The following GPRIN2 variants were observed in gnomAD, a reference collection of about 807,000 sequenced individuals.
GPRIN2 encodes the protein G protein regulated inducer of neurite outgrowth 2, also known as G protein-regulated inducer of neurite outgrowth 2.
A neutral mutation model predicts 0.3 loss-of-function variants in GPRIN2; 1 was observed. That is an observed-to-expected ratio of 3.90 (90% CI 1.39 to 18.51). The LOEUF (loss-of-function observed/expected upper bound fraction) is 18.51. GPRIN2 is among the 30% of genes most tolerant of loss of function. GPRIN2 has a pLI of 0.11. For synonymous variants in GPRIN2, 361 were observed against 258.6 expected (o/e 1.40, Z -3.80); for missense variants, 880 against 604.2 (o/e 1.46, Z -4.79).
In GPRIN2 at chr10:46,542,101, C is replaced by G. The variant is rs1011846147; in HGVS notation, c.*7259G>C. ...CAAAGCTTGTGTACAAAATGACACC[C>G]TTGGCCACCATCTCCCAGTCTGTTG... On this transcript the variant is annotated 3_prime_UTR_variant, in exon 3 of 3. Coordinates refer to ENST00000374314, the MANE Select transcript of GPRIN2 (RefSeq NM_001385282.1). 4.6e-5 allele frequency among the ~76,000 whole-genome samples: 7 copies of G among 152,306 alleles called. No individual in the cohort carries two copies. The highest frequency in any genetic ancestry group is 6.5e-5 in the Admixed American group (1 of 15,294).
chr10:46,556,455 A>G (rs1843240587), intron 1 of GPRIN2, among the ~76,000 whole-genome samples, 43 bp downstream of exon 1: 2 of 152,206 alleles, frequency 1.3e-5, no homozygotes, highest in South Asian at 4.1e-4. Context: ...GCCGCCCACC[A>G]CGCCCCCCGC....
rs1832609507 is a variant in GPRIN2 at position 46,549,730 on chromosome 10, C to A, written c.1007G>T (p.Gly336Val). 6.2e-7 allele frequency: 1 copy of A among 1,614,160 alleles called. No individual in the cohort carries two copies. The highest frequency in any genetic ancestry group is 1.1e-5 in the South Asian group (1 of 91,088). Residue 336 changes from glycine (G) to valine (V), a missense_variant, in exon 3 of 3, where the codon GGT becomes GTT. Coordinates refer to ENST00000374314, the MANE Select transcript of GPRIN2 (RefSeq NM_001385282.1). ...EASPLSAQDAGVQAAPVAACK... is the reference protein window; with the variant it reads ...EASPLSAQDAVVQAAPVAACK... Reference sequence around the variant, plus strand: ...GGCCGCCACTGGGGCCGCCTGCACACCAGCATCCTGGGCTGACAGCGGGGA... The same window carrying A: ...GGCCGCCACTGGGGCCGCCTGCACAACAGCATCCTGGGCTGACAGCGGGGA...
At chr10:46,553,755 A>AATTTT (rs1842866340) in intron 2 of GPRIN2, among the ~76,000 whole-genome samples, 1 of 152,306 alleles carries the variant, frequency 6.6e-6, no homozygotes. Context: ...TGAGGCCTGG[A>AATTTT]GCAGCTCAGA....
rs1841841843 is a variant in GPRIN2 at position 46,542,576 on chromosome 10, T to A, written c.*6784A>T. 6.6e-6 allele frequency among the ~76,000 whole-genome samples: 1 copy of A among 152,308 alleles called. No individual in the cohort carries two copies. The highest frequency in any genetic ancestry group is 2.4e-5 in the African/African-American group (1 of 41,488). ...ATTGTAAGTTTCCTGAGGCTTCCTG[T>A]AAGTTTCCTGAGGCTCCCCGGGCCA... On this transcript the variant is annotated 3_prime_UTR_variant, in exon 3 of 3. Transcript: ENST00000374314.
Position 46,548,830 on chromosome 10 carries a change from T to G in GPRIN2, c.*530A>C, listed in dbSNP as rs999380957. Among the ~76,000 whole-genome samples, 4 of 152,306 alleles carry G rather than the reference T, an allele frequency of 2.6e-5. No homozygotes were observed. The highest frequency in any genetic ancestry group is 9.6e-5 in the African/African-American group (4 of 41,482). The stretch of plus-strand genomic sequence containing the variant: ...GCACATCGGCTACAGCCTTGCCAAA[T>G]GAAGGCTTGCCAGGATGAAGAGGTG... On this transcript the variant is annotated 3_prime_UTR_variant, in exon 3 of 3. Coordinates refer to ENST00000374314, the MANE Select transcript of GPRIN2 (RefSeq NM_001385282.1).
At chr10:46,552,267 T>C (rs1832129654) in intron 2 of GPRIN2, among the ~76,000 whole-genome samples, 81 of 152,374 alleles carry the variant, frequency 5.3e-4, no homozygotes, top group African/African-American at 1.9e-3. Context: ...TCAAAGTGTC[T>C]GGGCCACCTC....
rs1832641597 is a variant in GPRIN2, at chr10:46,549,656, G to A, written c.1081C>T (p.His361Tyr). Residue 361 changes from histidine to tyrosine, a missense_variant, in exon 3 of 3, where the codon CAT becomes TAT. Physicochemically the swap from His to Tyr is moderately conservative, Grantham distance 83 (BLOSUM62 2). Coordinates refer to ENST00000374314, the MANE Select transcript of GPRIN2 (RefSeq NM_001385282.1). The part of the protein sequence containing the change: ...SPSLEAPAAL[H>Y]VFPEVTLGSS... The stretch of plus-strand genomic sequence containing the variant: ...CCCAGAGTTACCTCTGGGAACACAT[G>A]CAGGGCTGCAGGCGCTTCCAGGGAC... The A allele has an allele frequency of 6.2e-7, 1 of 1,614,186 alleles. No homozygotes were observed. The highest frequency in any genetic ancestry group is 8.5e-7 in the Non-Finnish European group (1 of 1,179,968).
chr10:46,543,985 G>A lies in GPRIN2; in HGVS notation c.*5375C>T, dbSNP rs1253346088. On this transcript the variant is annotated 3_prime_UTR_variant, in exon 3 of 3. Transcript: ENST00000374314. The stretch of plus-strand genomic sequence containing the variant: ...TTGTTTTTTTTTTTAGTAAACATCA[G>A]CTTTCCTCAGGTGTTCTTCTGCTTT... Among the ~76,000 whole-genome samples the A allele has an allele frequency of 6.6e-6, 1 of 152,108 alleles. No homozygotes were observed. The highest frequency in any genetic ancestry group is 2.4e-5 in the African/African-American group (1 of 41,436).
chr10:46,541,834 G>A lies in GPRIN2; in HGVS notation c.*7526C>T, dbSNP rs1413133618. Among the ~76,000 whole-genome samples, 1 of 152,310 alleles carries A rather than the reference G, an allele frequency of 6.6e-6. No homozygotes were observed. Among genetic ancestry groups the A allele is most frequent in the Non-Finnish European group, 1.5e-5 (1 of 68,058 alleles). ...ATAAAATATCAAAAATTTCAATAAA[G>A]CAGCATCCGACTTCCTGCCCAGCTG... On this transcript the variant is annotated 3_prime_UTR_variant, in exon 3 of 3. Coordinates refer to ENST00000374314, the MANE Select transcript of GPRIN2 (RefSeq NM_001385282.1).
Position 46,545,236 on chromosome 10 carries a change from C to G in GPRIN2, c.*4124G>C, listed in dbSNP as rs936205708. Among the ~76,000 whole-genome samples, 3 of 152,286 alleles carry G rather than the reference C, an allele frequency of 2.0e-5. No individual in the cohort carries two copies. The highest frequency in any genetic ancestry group is 7.2e-5 in the African/African-American group (3 of 41,488). On this transcript the variant is annotated 3_prime_UTR_variant, in exon 3 of 3. Coordinates refer to ENST00000374314, the MANE Select transcript of GPRIN2 (RefSeq NM_001385282.1). ...CTCTGGTGGTTTCTGTGCACAACTT[C>G]CCCCAAAATAGGCCCTACGACTCCA...
rs1163157019 is a variant in GPRIN2 at position 46,548,190 on chromosome 10, C to T, written c.*1170G>A. Among the ~76,000 whole-genome samples the T allele has an allele frequency of 5.2e-5, 8 of 152,428 alleles. No homozygotes were observed. Among genetic ancestry groups the T allele is most frequent in the African/African-American group, 1.7e-4 (7 of 41,610 alleles). On this transcript the variant is annotated 3_prime_UTR_variant, in exon 3 of 3. Transcript: ENST00000374314. ...CCCAGGACAAGAACACAAGCCCACT[C>T]CCATTCTTCACAGGCCTCGAGAAAT...
At chr10:46,556,738 C>A (rs1843286342), upstream of GPRIN2, among the ~76,000 whole-genome samples, 1 of 152,228 alleles carries the variant, frequency 6.6e-6, no homozygotes, top group Admixed American at 6.5e-5. Flanking sequence ...TGGGCCCGTG[C>A]CACTCTGGAG....
rs1832339465 is a variant in GPRIN2, at chr10:46,550,525, C to T, written c.212G>A (p.Ser71Asn). The T allele has an allele frequency of 2.4e-5, 39 of 1,597,790 alleles. No homozygotes were observed. The East Asian group carries it at 2.9e-4, about 12-fold the overall frequency. The change falls in exon 3 of 3, where the codon AGC (serine) becomes AAC (asparagine). Residue 71 changes from serine (S) to asparagine (N), a missense_variant. Ser to Asn is a conservative substitution (Grantham distance 46). Coordinates refer to ENST00000374314, the MANE Select transcript of GPRIN2 (RefSeq NM_001385282.1). Reference protein sequence around the residue: ...APEEEGNPPESMKPARASGPK... With the variant: ...APEEEGNPPENMKPARASGPK... The stretch of plus-strand genomic sequence containing the variant: ...GCCAGAGGCCCGTGCTGGCTTCATG[C>T]TCTCAGGCGGGTTCCCCTCTTCCTC...
rs1832274688 is a variant in GPRIN2, at chr10:46,550,695, CAG to C, written c.40_41del (p.Leu14GlufsTer17). ...SRPEPGPWAP[L>X]SPRLQPLSQS... ...GGGACAGGGGCTGAAGGCGGGGGCT[CAG>C]GGGTGCCCAGGGACCCGGCTCGGGG... On this transcript the variant is annotated frameshift_variant, in exon 3 of 3. Transcript: ENST00000374314. LOFTEE classifies it low-confidence loss of function (END_TRUNC). 6.6e-7 allele frequency: 1 copy of C among 1,506,370 alleles called. No homozygotes were observed. The highest frequency in any genetic ancestry group is 8.9e-7 in the Non-Finnish European group (1 of 1,129,664). 93.3% of individuals were successfully genotyped at this position (1,506,370 alleles called of 1,614,324 possible).
rs1390872818 is a variant in GPRIN2 at position 46,542,124 on chromosome 10, T to A, written c.*7236A>T. On this transcript the variant is annotated 3_prime_UTR_variant, in exon 3 of 3. Transcript: ENST00000374314. The stretch of plus-strand genomic sequence containing the variant: ...CCCTTGGCCACCATCTCCCAGTCTG[T>A]TGACTGCTAAAAATGAGAAGTGAAC... Among the ~76,000 whole-genome samples, 2 of 152,430 alleles carry A rather than the reference T, an allele frequency of 1.3e-5. No individual in the cohort carries two copies. Among genetic ancestry groups the A allele is most frequent in the East Asian group, 3.8e-4 (2 of 5,196 alleles).
In GPRIN2 at chr10:46,548,978, T is replaced by A; in HGVS notation, c.*382A>T. 3.5e-6 allele frequency: 1 copy of A among 283,734 alleles called. No homozygotes were observed. The highest frequency in any genetic ancestry group is 6.7e-6 in the Non-Finnish European group (1 of 149,362). 17.6% of individuals were successfully genotyped at this position (283,734 alleles called of 1,614,324 possible). ...CATTTCATGTCGAGAATTCACTATT[T>A]CTCAGCACTGATTTCAAATAAAGCC... On this transcript the variant is annotated 3_prime_UTR_variant, in exon 3 of 3. Transcript: ENST00000374314.
chr10:46,549,325 A>G lies in GPRIN2; in HGVS notation c.*35T>C. ...CCTGGCCCAGGTCTAGGACTAAGTC[A>G]GTGGGCCCAGGCCAGCTCCAAGGGC... On this transcript the variant is annotated 3_prime_UTR_variant, in exon 3 of 3. Transcript: ENST00000374314. 6.9e-7 allele frequency: 1 copy of G among 1,456,044 alleles called. No individual in the cohort carries two copies. The highest frequency in any genetic ancestry group is 9.1e-7 in the Non-Finnish European group (1 of 1,104,824). 90.2% of individuals were successfully genotyped at this position (1,456,044 alleles called of 1,614,324 possible). A position where few individuals can be genotyped will look rare whatever the true frequency, so the allele number is the denominator to read the frequency against.
chr10:46,552,471 G>A (rs1352861984), intron 2 of GPRIN2, among the ~76,000 whole-genome samples: 1 of 152,308 alleles, frequency 6.6e-6, no homozygotes, highest in African/African-American at 2.4e-5. Context: ...TACCCGAGAG[G>A]AAATTCGGGA....
rs1025442771 is a variant in GPRIN2, at chr10:46,547,956, G to C, written c.*1404C>G. ...CTGCTTTACAAATTCACCAACTGTT[G>C]CATGAGTCATTTCCACCTCAATGAG... On this transcript the variant is annotated 3_prime_UTR_variant, in exon 3 of 3. Transcript: ENST00000374314. Among the ~76,000 whole-genome samples, 1 of 152,308 alleles carries C rather than the reference G, an allele frequency of 6.6e-6. No individual in the cohort carries two copies. Among genetic ancestry groups the C allele is most frequent in the Non-Finnish European group, 1.5e-5 (1 of 68,056 alleles).
Sources: allele counts gnomAD v4.1 joint callset (sites outside exome capture counted in the v4.1 genomes callset), GRCh38; gene constraint gnomAD v4.1.1; transcripts MANE v1.5; gene names NCBI Gene and HGNC (gene_info 2026-07-23, HGNC 2026-07-21).